HEXIM2: variants seen among roughly 807,000 people sequenced by gnomAD.
HEXIM2 encodes protein HEXIM2.
For missense variants in HEXIM2, 413 were observed against 390.8 expected (o/e 1.06, Z -0.48); for synonymous variants, 159 against 162.7 (o/e 0.98, Z 0.17).
rs2042971316 is a variant in HEXIM2, at chr17:45,169,590, G to A, written c.642G>A (p.Val214=). 1.9e-6 allele frequency: 3 copies of A among 1,545,854 alleles called. No homozygotes were observed. Among genetic ancestry groups the A allele is most frequent in the Non-Finnish European group, 1.7e-6 (2 of 1,144,842 alleles). ...SLQGRSKQEL[V]RDYLELEKRL... ...AGGGCCGCAGCAAGCAGGAGCTGGT[G>A]CGAGACTACCTGGAGCTGGAGAAGC... Residue 214 remains valine (V), a synonymous_variant, in exon 4 of 4, where the codon GTG becomes GTA. Coordinates refer to ENST00000589230, the MANE Select transcript of HEXIM2 (RefSeq NM_001303441.2).
At chr17:45,165,200 A>G (rs1164261489) in intron 3 of HEXIM2, among the ~76,000 whole-genome samples, 1 of 152,178 alleles carries the variant, frequency 6.6e-6, no homozygotes, top group Non-Finnish European at 1.5e-5. Context: ...CCACTGGTGG[A>G]GACAAGGGCT....
At chr17:45,168,397 T>C (rs952163109) in intron 3 of HEXIM2, among the ~76,000 whole-genome samples, 1 of 151,368 alleles carries the variant, frequency 6.6e-6, no homozygotes, top group Non-Finnish European at 1.5e-5. Context: ...GCTGGAGAAT[T>C]CCGGAGGCAG....
At chr17:45,161,741 C>T (rs983642136), upstream of HEXIM2, 3 of 712,360 alleles carry the variant, frequency 4.2e-6, no homozygotes, top group African/African-American at 1.9e-5. Flanking sequence ...GGCAGTGATG[C>T]GCGCGCGGTC....
chr17:45,160,975 G>A (rs1391196212), upstream of HEXIM2: 4 of 1,287,990 alleles, frequency 3.1e-6, no homozygotes, highest in Non-Finnish European at 4.1e-6. Flanking sequence ...CTCCGCTCTC[G>A]GAGCCTCCAG....
At chr17:45,166,138 C>CT (rs1254346805) in intron 3 of HEXIM2, among the ~76,000 whole-genome samples, 3 of 150,268 alleles carry the variant, frequency 2.0e-5, no homozygotes, top group East Asian at 2.0e-4. Context: ...GAAGGGGAGT[C>CT]TTTTTTTTGA....
chr17:45,164,207 G>A (rs2042778879), intron 3 of HEXIM2, among the ~76,000 whole-genome samples: 1 of 151,658 alleles, frequency 6.6e-6, no homozygotes, highest in African/African-American at 2.4e-5. Context: ...TGTAATCCCA[G>A]CACTTTGGGA....
chr17:45,166,650 G>A (rs1265906960), intron 3 of HEXIM2, among the ~76,000 whole-genome samples: 3 of 152,152 alleles, frequency 2.0e-5, no homozygotes, highest in Non-Finnish European at 2.9e-5. Context: ...CTAGGGAGGC[G>A]AGATGGGGGA....
At chr17:45,160,811 A>C, upstream of HEXIM2, 1 of 780,560 alleles carries the variant, frequency 1.3e-6, no homozygotes, top group South Asian at 1.4e-5. Context: ...ACCTTCAGGC[A>C]CCGAGCTCGT....
At chr17:45,160,471 T>C (rs1331971660), upstream of HEXIM2, among the ~76,000 whole-genome samples, 1 of 152,098 alleles carries the variant, frequency 6.6e-6, no homozygotes, top group African/African-American at 2.4e-5. Context: ...TACATTGGAA[T>C]TGGAATTACT....
chr17:45,169,671 C>T lies in HEXIM2; in HGVS notation c.723C>T (p.Thr241=), dbSNP rs991725908. The T allele has an allele frequency of 1.3e-6, 2 of 1,532,170 alleles. No individual in the cohort carries two copies. Among genetic ancestry groups the T allele is most frequent in the Non-Finnish European group, 1.8e-6 (2 of 1,136,292 alleles). 94.9% of individuals were successfully genotyped at this position (1,532,170 alleles called of 1,614,324 possible). Residue 241 remains threonine, a synonymous_variant, in exon 4 of 4, where the codon ACC becomes ACT. Coordinates refer to ENST00000589230, the MANE Select transcript of HEXIM2 (RefSeq NM_001303441.2). ...GGCTGCAGCAGCTGCAGGCGTGCAC[C>T]GGCCAGCAGTCCTGCCGCCAGGTGG... ...TRRLQQLQAC[T]GQQSCRQVEE...
In HEXIM2 at chr17:45,169,858, A is replaced by G. The variant is rs1269264587; in HGVS notation, c.*49A>G. ...CCAAGGAGAAGGTCCCATTTCGTGC[A>G]CACTCAGGCCAGCTGGGTCTCAAGG... is the stretch of plus-strand genomic sequence containing the variant. On this transcript the variant is annotated 3_prime_UTR_variant, in exon 4 of 4. Coordinates refer to ENST00000589230, the MANE Select transcript of HEXIM2 (RefSeq NM_001303441.2). 3 of 1,403,572 alleles carry G rather than the reference A, an allele frequency of 2.1e-6. No homozygotes were observed. The highest frequency in any genetic ancestry group is 2.8e-6 in the Non-Finnish European group (3 of 1,077,028). The allele number at this position is 1,403,572 out of a possible 1,614,324, so 86.9% of individuals were successfully genotyped here.
intron 3 of HEXIM2, among the ~76,000 whole-genome samples, chr17:45,168,633 C>G (rs2042933257): frequency 6.6e-6 from 1 of 152,014 alleles, no homozygotes; most frequent in African/African-American, 2.4e-5. Flanking sequence ...GAGGGAAGAG[C>G]CGGTGCCATT....
intron 3 of HEXIM2, among the ~76,000 whole-genome samples, chr17:45,163,881 G>A (rs565851344): frequency 1.4e-4 from 21 of 152,012 alleles, no homozygotes; most frequent in Non-Finnish European, 2.5e-4. Context: ...CAGGCCAGGC[G>A]CAGTGGCTCA....
At chr17:45,160,921 G>A (rs1336736425), upstream of HEXIM2, 2 of 1,289,678 alleles carry the variant, frequency 1.6e-6, no homozygotes, top group Admixed American at 4.6e-5. Flanking sequence ...CGGGCGGCGA[G>A]ATGGCGCTTT....
chr17:45,169,985 T>C lies in HEXIM2; in HGVS notation c.*176T>C. On this transcript the variant is annotated 3_prime_UTR_variant, in exon 4 of 4. Transcript: ENST00000589230. The stretch of plus-strand genomic sequence containing the variant: ...TCACCGTTTCCATAGTTGGCTCTTT[T>C]GTGTCATCTTACCCTTTACAGAGAA... 1 of 508,680 alleles carries C rather than the reference T, an allele frequency of 2.0e-6. No homozygotes were observed. The highest frequency in any genetic ancestry group is 3.4e-6 in the Non-Finnish European group (1 of 296,868). 31.5% of individuals were successfully genotyped at this position (508,680 alleles called of 1,614,324 possible).
upstream of HEXIM2, chr17:45,161,421 T>C (rs2042685163): frequency 5.7e-6 from 1 of 175,632 alleles, no homozygotes. Flanking sequence ...CGGCCCGGCC[T>C]CTCCCCGCGC....
In HEXIM2 at chr17:45,169,308, G is replaced by T. The variant is rs1397670248; in HGVS notation, c.360G>T (p.Gln120His). Residue 120 changes from glutamine to histidine, a missense_variant, in exon 4 of 4, where the codon CAG becomes CAT. Physicochemically the swap from Gln to His is conservative, Grantham distance 24 (BLOSUM62 0). Transcript: ENST00000589230. ...AGAAACAACAGCGGGATGAGAGGCA[G>T]AGCCAGAGGGCCTCCCGGGTCCGCG... ...WAEKQQRDER[Q>H]SQRASRVREE... is the part of the protein sequence containing the mutation. The T allele has an allele frequency of 6.2e-7, 1 of 1,613,882 alleles. No homozygotes were observed. The highest frequency in any genetic ancestry group is 8.5e-7 in the Non-Finnish European group (1 of 1,180,034).
upstream of HEXIM2, among the ~76,000 whole-genome samples, chr17:45,160,381 C>T (rs2144029895): frequency 6.6e-6 from 1 of 152,026 alleles, no homozygotes; most frequent in South Asian, 2.1e-4. Context: ...ACCAGTAGAA[C>T]ACAAAATACT....
chr17:45,161,831 G>A, upstream of HEXIM2: 1 of 985,566 alleles, frequency 1.0e-6, no homozygotes, highest in Non-Finnish European at 1.2e-6. Context: ...CGCTTTTCAG[G>A]CCAGAAGAAC....
Sources: gnomAD v4.1 joint callset for allele counts (sites outside exome capture counted in the v4.1 genomes callset) on GRCh38, gnomAD v4.1.1 for gene constraint, MANE v1.5 for transcripts, NCBI Gene and HGNC (gene_info 2026-07-23, HGNC 2026-07-21) for gene names.